The following DUX4 variants were observed in gnomAD, a reference collection of about 807,000 sequenced individuals.
The protein encoded by DUX4 is double homeobox 4, also known as double homeobox protein 4.
chr4:190,178,802 G>T (rs1579834734), downstream of DUX4, among the ~76,000 whole-genome samples: 30 of 147,184 alleles, frequency 2.0e-4, no homozygotes, highest in East Asian at 4.0e-4. Flanking sequence ...TACATCACTT[G>T]GGTGATCAGT....
downstream of DUX4, among the ~76,000 whole-genome samples, chr4:190,179,629 G>T (rs1579835801): frequency 2.7e-5 from 4 of 150,038 alleles, no homozygotes; most frequent in Non-Finnish European, 6.0e-5. Flanking sequence ...GGAGATCAGT[G>T]CAGAGATATG....
At chr4:190,179,793 G>GCCGGGGCTGT (rs1241531167), downstream of DUX4, among the ~76,000 whole-genome samples, 1 of 147,262 alleles carries the variant, frequency 6.8e-6, no homozygotes, top group Admixed American at 6.8e-5. Context: ...GCCCCTGTAG[G>GCCGGGGCTGT]CAAGCCTACA....
chr4:190,177,810 T>G (rs1579833348), downstream of DUX4, among the ~76,000 whole-genome samples: 10 of 106,844 alleles, frequency 9.4e-5, no homozygotes, highest in South Asian at 6.2e-4. Flanking sequence ...AATGCCCCCT[T>G]TTGGCAGAGC....
downstream of DUX4, among the ~76,000 whole-genome samples, chr4:190,179,573 T>A (rs2126578629): frequency 1.3e-5 from 2 of 152,156 alleles, no homozygotes; most frequent in East Asian, 1.9e-4. Flanking sequence ...CAGTGATATG[T>A]CACAATGCTG....
chr4:190,176,876 TA>T (rs1386758363), downstream of DUX4, among the ~76,000 whole-genome samples: 3 of 122,906 alleles, frequency 2.4e-5, 1 homozygote, highest in African/African-American at 7.8e-5. Context: ...ATACAAGGTT[TA>T]GATCACCTAG....
At chr4:190,178,521 G>GAAT (rs1742430372), downstream of DUX4, among the ~76,000 whole-genome samples, 1 of 149,228 alleles carries the variant, frequency 6.7e-6, no homozygotes, top group Non-Finnish European at 1.5e-5. Flanking sequence ...GACAAGAGTT[G>GAAT]CATCACCTGG....
At chr4:190,177,187 A>AACGCCCCTGTAGGGAGAGCCTAG (rs1742349301), downstream of DUX4, among the ~76,000 whole-genome samples, 1 of 151,738 alleles carries the variant, frequency 6.6e-6, no homozygotes, top group Non-Finnish European at 1.5e-5. Flanking sequence ...GCTATGTCAA[A>AACGCCCCTGTAGGGAGAGCCTAG]ACGCCCCTGT....
chr4:190,181,514 G>C (rs2126584058), intron 1 of DUX4, among the ~76,000 whole-genome samples: 202 of 146,390 alleles, frequency 1.4e-3, no homozygotes, highest in Middle Eastern at 0.011. Context: ...GCAGAGCCTG[G>C]ACAAGAGTTA....
At chr4:190,176,039 C>T (rs1472990472), downstream of DUX4, among the ~76,000 whole-genome samples, 22 of 111,522 alleles carry the variant, frequency 2.0e-4, 5 homozygotes, top group African/African-American at 5.2e-4. Context: ...CTCGTGTAGA[C>T]AGAGCCTAGA....
chr4:190,179,621 A>T (rs1742506410), downstream of DUX4, among the ~76,000 whole-genome samples: 102 of 141,946 alleles, frequency 7.2e-4, no homozygotes, highest in East Asian at 1.5e-3. Flanking sequence ...AGCACCTGGG[A>T]GATCAGTGCA....
rs1742564810 is a variant in DUX4, at chr4:190,181,321, ATCC to A, written n.93-4019_93-4017del. Among the ~76,000 whole-genome samples the A allele has an allele frequency of 8.6e-5, 3 of 34,728 alleles. 1 individual carries two copies. The highest frequency in any genetic ancestry group is 1.9e-4 in the African/African-American group (2 of 10,492). 22.8% of individuals were successfully genotyped at this position (34,728 alleles called of 152,430 possible). A position where few individuals can be genotyped will look rare whatever the true frequency, so the allele number is the denominator to read the frequency against. ...TAGGCAGAGCCTAAAGAAGAGTCCC[ATCC>A]CCTGGGTGATCTCTGCAAAGATATG... On this transcript the variant is annotated intron_variant and non_coding_transcript_variant, in intron 1 of 2. Coordinates refer to the DUX4 transcript ENST00000563716.
chr4:190,175,993 T>G (rs1411255820), downstream of DUX4: 1 of 110,100 alleles, frequency 9.1e-6, no homozygotes, highest in African/African-American at 2.7e-5. Flanking sequence ...AATGGTTACA[T>G]CACTTAGGTG....
chr4:190,181,259 G>GGGGGATCAGT (rs1742558944), intron 1 of DUX4, among the ~76,000 whole-genome samples: 3 of 148,470 alleles, frequency 2.0e-5, no homozygotes, highest in Non-Finnish European at 3.0e-5. Context: ...TCTGTCACCT[G>GGGGGATCAGT]GGTGATCAGT....
At chr4:190,179,372 A>C, downstream of DUX4, among the ~76,000 whole-genome samples, 1 of 152,008 alleles carries the variant, frequency 6.6e-6, no homozygotes. Context: ...GATACATCGC[A>C]ATGCCCCTGT....
rs1272996597 is a variant in DUX4, at chr4:190,175,260, C to A, written c.*212C>A. 4.0e-4 allele frequency: 55 copies of A among 137,300 alleles called. No homozygotes were observed. Among genetic ancestry groups the A allele is most frequent in the Non-Finnish European group, 6.1e-4 (41 of 67,356 alleles). The allele number at this position is 137,300 out of a possible 1,614,324, so 8.5% of individuals were successfully genotyped here. A position where few individuals can be genotyped will look rare whatever the true frequency, so the allele number is the denominator to read the frequency against. The stretch of plus-strand genomic sequence containing the variant: ...TTCTTTCCTGGGCATCCCGGGGATC[C>A]CAGAGCCGGCCCAGGTACCAGCAGG... On this transcript the variant is annotated 3_prime_UTR_variant, in exon 1 of 2. Transcript: ENST00000565211.
chr4:190,177,163 A>ATAAATGTTACATCACCTGT (rs1742346232), downstream of DUX4, among the ~76,000 whole-genome samples: 1 of 113,642 alleles, frequency 8.8e-6, no homozygotes, highest in Non-Finnish European at 2.0e-5. Flanking sequence ...CATCACCTAG[A>ATAAATGTTACATCACCTGT]TGATCTGTGC....
At chr4:190,179,445 A>AAT (rs1742493072), downstream of DUX4, among the ~76,000 whole-genome samples, 23 of 143,474 alleles carry the variant, frequency 1.6e-4, no homozygotes, top group South Asian at 1.1e-3. Flanking sequence ...GTCACAAAGC[A>AAT]CCCTGTAAGC....
At chr4:190,181,766 GC>G (rs1398569907) in intron 1 of DUX4, among the ~76,000 whole-genome samples, 3,068 of 29,374 alleles carry the variant, frequency 0.1, 16 homozygotes, top group East Asian at 0.23. Context: ...ATGTAACAAT[GC>G]CCCCAGTAGG....
At chr4:190,177,963 C>G (rs1579833544), downstream of DUX4, among the ~76,000 whole-genome samples, 24 of 85,620 alleles carry the variant, frequency 2.8e-4, no homozygotes, top group Admixed American at 8.1e-4. Context: ...AGAGCCTAGA[C>G]AAGAGTTACA....
Sources: gnomAD v4.1 joint callset for allele counts (sites outside exome capture counted in the v4.1 genomes callset) on GRCh38, gnomAD v4.1.1 for gene constraint, MANE v1.5 for transcripts, NCBI Gene and HGNC (gene_info 2026-07-23, HGNC 2026-07-21) for gene names.